The following IKZF3 variants were observed in gnomAD, a reference collection of about 807,000 sequenced individuals.
The protein encoded by IKZF3 is IKAROS family zinc finger 3.
IKZF3 carries 10 observed loss-of-function variants against 49.0 expected under a neutral mutation model. That is an observed-to-expected ratio of 0.20 (90% CI 0.13 to 0.35). The LOEUF (loss-of-function observed/expected upper bound fraction) is 0.35. IKZF3 is among the 10% of genes least tolerant of loss of function. The pLI is 1.00. For synonymous variants in IKZF3, 209 were observed against 228.2 expected, an observed-to-expected ratio of 0.92 and a Z score of 0.76; for missense variants, 498 against 664.8, an observed-to-expected ratio of 0.75 and a Z score of 2.76.
At chr17:39,800,053 G>A (rs2143979763) in intron 3 of IKZF3, among the ~76,000 whole-genome samples, 1 of 152,192 alleles carries the variant, frequency 6.6e-6, no homozygotes, top group Non-Finnish European at 1.5e-5. Context: ...GGCAACACCC[G>A]TTCATTTAAT....
intron 3 of IKZF3, among the ~76,000 whole-genome samples, chr17:39,800,814 A>C (rs1203814127): frequency 6.6e-6 from 1 of 152,174 alleles, no homozygotes; most frequent in Non-Finnish European, 1.5e-5. Flanking sequence ...ACACTGCAAA[A>C]ACAATGGGTC....
chr17:39,825,419 G>GA (rs767223069), intron 3 of IKZF3, among the ~76,000 whole-genome samples: 14 of 152,290 alleles, frequency 9.2e-5, no homozygotes, highest in South Asian at 4.1e-4. Context: ...GAGGAATGAG[G>GA]AAAAACCTTA....
chr17:39,852,386 C>G (rs1321704488), intron 1 of IKZF3, among the ~76,000 whole-genome samples: 2 of 152,150 alleles, frequency 1.3e-5, no homozygotes, highest in Non-Finnish European at 2.9e-5. Context: ...TTGTCAAGGT[C>G]ACTAGCAAGT....
At chr17:39,802,692 T>C (rs1040542240) in intron 3 of IKZF3, among the ~76,000 whole-genome samples, 2 of 151,086 alleles carry the variant, frequency 1.3e-5, no homozygotes, top group Non-Finnish European at 3.0e-5. Flanking sequence ...GAATACAGCA[T>C]GCCTGTAGTC....
intron 1 of IKZF3, among the ~76,000 whole-genome samples, chr17:39,839,846 G>A (rs2062413454): frequency 6.6e-6 from 1 of 152,146 alleles, no homozygotes; most frequent in African/African-American, 2.4e-5. Context: ...TTTCTGTAGA[G>A]TGGGGGTCTC....
At chr17:39,802,757 G>C (rs528686422) in intron 3 of IKZF3, among the ~76,000 whole-genome samples, 13 of 151,056 alleles carry the variant, frequency 8.6e-5, no homozygotes, top group Admixed American at 6.6e-4. Context: ...AGAGGTCCAG[G>C]CTGCAGTGAG....
chr17:39,777,979 A>G, intron 6 of IKZF3: 1 of 1,231,986 alleles, frequency 8.1e-7, no homozygotes, highest in Non-Finnish European at 1.0e-6. Context: ...TTATGCCGAG[A>G]TGGGAAAGCT....
intron 1 of IKZF3, among the ~76,000 whole-genome samples, chr17:39,860,957 C>A (rs546460037): frequency 6.6e-6 from 1 of 152,148 alleles, no homozygotes; most frequent in African/African-American, 2.4e-5. Context: ...TTCAATTATA[C>A]AGTTTAAGTG....
In IKZF3 at chr17:39,765,866, C is replaced by CACATGTTT; in HGVS notation, c.1453_1454insAAACATGT (p.Cys485Ter). On this transcript the variant is annotated stop_gained and frameshift_variant, in exon 8 of 8. Transcript: ENST00000346872. LOFTEE classifies it high-confidence loss of function. Reference sequence around the variant, plus strand: ...ATACCGATCATGGCTTCGATATCCACACATGTTACACTCGAAAGGGTCACG... The same window carrying CACATGTTT: ...ATACCGATCATGGCTTCGATATCCACACATGTTTACATGTTACACTCGAAAGGGTCACG... 6.2e-7 allele frequency: 1 copy of CACATGTTT among 1,614,238 alleles called. No homozygotes were observed.
At chr17:39,798,492 C>T (rs2061229973) in intron 3 of IKZF3, among the ~76,000 whole-genome samples, 2 of 151,648 alleles carry the variant, frequency 1.3e-5, no homozygotes, top group South Asian at 4.2e-4. Context: ...GGTCCAAGTC[C>T]TACACATCCT....
chr17:39,826,895 G>A (rs1474296404), intron 3 of IKZF3, among the ~76,000 whole-genome samples: 1 of 152,254 alleles, frequency 6.6e-6, no homozygotes, highest in Non-Finnish European at 1.5e-5. Context: ...TACTATAGGT[G>A]ACTATGGGGA....
chr17:39,816,537 T>G (rs574875884), intron 3 of IKZF3, among the ~76,000 whole-genome samples: 1 of 152,338 alleles, frequency 6.6e-6, no homozygotes, highest in South Asian at 2.1e-4. Flanking sequence ...ATGGCAGAGT[T>G]GAGAAGATGC....
intron 7 of IKZF3, among the ~76,000 whole-genome samples, chr17:39,776,161 G>T (rs1399982547): frequency 2.6e-5 from 4 of 152,092 alleles, no homozygotes; most frequent in Non-Finnish European, 5.9e-5. Flanking sequence ...TGGGGTAGGA[G>T]GATTTCTTGA....
At chr17:39,835,964 C>T (rs535417582) in intron 1 of IKZF3, 134 of 636,180 alleles carry the variant, frequency 2.1e-4, no homozygotes, top group African/African-American at 1.8e-3. Flanking sequence ...CCAGCTGCCA[C>T]GGAGGTTTGT....
intron 1 of IKZF3, among the ~76,000 whole-genome samples, chr17:39,850,773 T>C (rs1337631771): frequency 2.6e-5 from 3 of 116,686 alleles, no homozygotes; most frequent in Non-Finnish European, 4.9e-5. Context: ...ATATATAATA[T>C]ATAGTATATA....
At chr17:39,834,769 T>C (rs1467144955) in intron 1 of IKZF3, among the ~76,000 whole-genome samples, 1 of 152,154 alleles carries the variant, frequency 6.6e-6, no homozygotes, top group Non-Finnish European at 1.5e-5. Flanking sequence ...AAAAAAATGA[T>C]GTAATTGTTT....
intron 6 of IKZF3, among the ~76,000 whole-genome samples, chr17:39,782,235 T>G (rs2060760766): frequency 6.6e-6 from 1 of 152,154 alleles, no homozygotes; most frequent in Non-Finnish European, 1.5e-5. Context: ...CACAATACCA[T>G]GAAATGAGTG....
At chr17:39,835,258 T>C (rs2062238096) in intron 1 of IKZF3, 1 of 546,414 alleles carries the variant, frequency 1.8e-6, no homozygotes, top group South Asian at 1.5e-5. Flanking sequence ...GCGATCTCAA[T>C]GTCCAGGGCC....
chr17:39,840,509 A>C (rs2062435204), intron 1 of IKZF3, among the ~76,000 whole-genome samples: 1 of 152,238 alleles, frequency 6.6e-6, no homozygotes, highest in Non-Finnish European at 1.5e-5. Flanking sequence ...ACAGAAATTA[A>C]AACTCTCCTT....
Sources: gnomAD v4.1 joint callset for allele counts (sites outside exome capture counted in the v4.1 genomes callset) on GRCh38, gnomAD v4.1.1 for gene constraint, MANE v1.5 for transcripts, NCBI Gene and HGNC (gene_info 2026-07-23, HGNC 2026-07-21) for gene names.